Variants in PTPRD observed in about 807,000 individuals in gnomAD.
PTPRD encodes the protein protein tyrosine phosphatase receptor type D.
Under a neutral mutation model 214.5 loss-of-function variants are expected in PTPRD, and 34 were observed. The observed-to-expected ratio is 0.16, with a 90% CI of 0.12 to 0.21. The LOEUF (loss-of-function observed/expected upper bound fraction) is 0.21. Among genes scored for constraint, PTPRD ranks in the 10% least tolerant of loss-of-function variants. The pLI is 1.00. For missense variants in PTPRD, 2,545 were observed against 2,398.7 expected (o/e 1.06, Z -1.27); for synonymous variants, 1,128 against 845.7 (o/e 1.33, Z -5.79).
At chr9:10,190,661 T>C (rs2099359809) in intron 3 of PTPRD, among the ~76,000 whole-genome samples, 1 of 121,810 alleles carries the variant, frequency 8.2e-6, no homozygotes, top group Admixed American at 1.2e-4. Flanking sequence ...GAAAGTACAG[T>C]AAGCCAAGAT....
At chr9:9,287,073 A>G (rs1949716552) in intron 9 of PTPRD, among the ~76,000 whole-genome samples, 1 of 150,620 alleles carries the variant, frequency 6.6e-6, no homozygotes, top group African/African-American at 2.4e-5. Context: ...AAAAATACAA[A>G]AATCAGCTGG....
chr9:10,146,840 C>G (rs775243594), intron 3 of PTPRD, among the ~76,000 whole-genome samples: 3 of 152,108 alleles, frequency 2.0e-5, no homozygotes, highest in Admixed American at 2.0e-4. Flanking sequence ...CCATCCACAT[C>G]TTGGAGCAAT....
chr9:9,033,617 T>C (rs1590173653), intron 10 of PTPRD, among the ~76,000 whole-genome samples: 1 of 152,140 alleles, frequency 6.6e-6, no homozygotes, highest in South Asian at 2.1e-4. Context: ...TTTCCCTTTT[T>C]TGATTGGCTG....
At chr9:8,322,178 C>G (rs1450679181) in intron 44 of PTPRD, among the ~76,000 whole-genome samples, 1 of 152,124 alleles carries the variant, frequency 6.6e-6, no homozygotes, top group Non-Finnish European at 1.5e-5. Flanking sequence ...CCTCCCTATT[C>G]CTTGAGACAC....
intron 11 of PTPRD, among the ~76,000 whole-genome samples, chr9:8,739,820 C>T (rs1437312721): frequency 6.6e-6 from 1 of 152,160 alleles, no homozygotes; most frequent in East Asian, 1.9e-4. Context: ...CTTTCCTGTG[C>T]TGTTCCCATG....
chr9:9,680,165 A>G (rs1337317764), intron 7 of PTPRD, among the ~76,000 whole-genome samples: 4 of 151,860 alleles, frequency 2.6e-5, no homozygotes, highest in Non-Finnish European at 5.9e-5. Flanking sequence ...ATTTCCAGCA[A>G]TCCTGTCAAG....
intron 11 of PTPRD, among the ~76,000 whole-genome samples, chr9:8,778,489 T>C (rs2095569273): frequency 1.3e-5 from 2 of 152,204 alleles, no homozygotes; most frequent in Non-Finnish European, 2.9e-5. Flanking sequence ...TAGCTGCGAA[T>C]CTGCCCAACA....
At chr9:10,042,347 A>G (rs1025456440) in intron 3 of PTPRD, among the ~76,000 whole-genome samples, 2 of 151,916 alleles carry the variant, frequency 1.3e-5, no homozygotes, top group African/African-American at 4.8e-5. Context: ...AAGTAGATTA[A>G]TCTATTAAAT....
At chr9:10,140,233 T>G (rs1329995824) in intron 3 of PTPRD, among the ~76,000 whole-genome samples, 1 of 150,834 alleles carries the variant, frequency 6.6e-6, no homozygotes, top group Admixed American at 6.6e-5. Flanking sequence ...AATTAATCAA[T>G]AAGCAAAAAA....
intron 14 of PTPRD, among the ~76,000 whole-genome samples, chr9:8,589,235 C>A (rs780901530): frequency 2.0e-4 from 30 of 152,176 alleles, no homozygotes; most frequent in Admixed American, 1.6e-3. Flanking sequence ...ACCAAACAAG[C>A]ATCTTCAGGA....
intron 5 of PTPRD, among the ~76,000 whole-genome samples, chr9:9,892,274 A>G (rs2073595270): frequency 6.6e-6 from 1 of 152,136 alleles, no homozygotes; most frequent in South Asian, 2.1e-4. Flanking sequence ...AAGGCCTTAT[A>G]GAGATTACCT....
At chr9:8,430,396 G>C (rs2094963304) in intron 35 of PTPRD, among the ~76,000 whole-genome samples, 2 of 151,302 alleles carry the variant, frequency 1.3e-5, no homozygotes, top group Admixed American at 6.6e-5. Context: ...TCAGCCTCCT[G>C]AGTAGCTGGG....
At chr9:8,439,305 G>A (rs1298774981) in intron 34 of PTPRD, among the ~76,000 whole-genome samples, 1 of 152,116 alleles carries the variant, frequency 6.6e-6, no homozygotes, top group Non-Finnish European at 1.5e-5. Context: ...TAAAATAAGA[G>A]TATAGAACTA....
At chr9:8,413,889 G>T (rs1220602464) in intron 35 of PTPRD, among the ~76,000 whole-genome samples, 3 of 151,934 alleles carry the variant, frequency 2.0e-5, no homozygotes, top group Non-Finnish European at 4.4e-5. Flanking sequence ...TAAAATTAGG[G>T]ACTCTTCTAA....
At chr9:10,226,173 C>G (rs2099588253) in intron 3 of PTPRD, among the ~76,000 whole-genome samples, 1 of 152,006 alleles carries the variant, frequency 6.6e-6, no homozygotes, top group Non-Finnish European at 1.5e-5. Flanking sequence ...ATTGTACCTC[C>G]TGTTGGGATG....
chr9:10,537,746 C>T (rs1481214892), intron 2 of PTPRD, among the ~76,000 whole-genome samples: 1 of 152,024 alleles, frequency 6.6e-6, no homozygotes, highest in African/African-American at 2.4e-5. Context: ...TCTTAAAATT[C>T]TCTCTTATAA....
At chr9:9,311,596 G>A (rs1343115731) in intron 9 of PTPRD, among the ~76,000 whole-genome samples, 1 of 152,236 alleles carries the variant, frequency 6.6e-6, no homozygotes, top group East Asian at 1.9e-4. Context: ...GGAGAATTTA[G>A]AAGGATGCTT....
At chr9:10,264,772 C>A (rs143036776) in intron 3 of PTPRD, among the ~76,000 whole-genome samples, 2 of 151,930 alleles carry the variant, frequency 1.3e-5, no homozygotes, top group East Asian at 1.9e-4. Flanking sequence ...GGACCAGGGG[C>A]GGAATGATAT....
At chr9:8,671,719 C>T (rs766681207) in intron 12 of PTPRD, among the ~76,000 whole-genome samples, 10 of 152,256 alleles carry the variant, frequency 6.6e-5, no homozygotes, top group South Asian at 2.1e-4. Flanking sequence ...ATTTTTTACA[C>T]ACCTATTGCT....
Sources: allele counts gnomAD v4.1 joint callset (sites outside exome capture counted in the v4.1 genomes callset), GRCh38; gene constraint gnomAD v4.1.1; transcripts MANE v1.5; gene names NCBI Gene and HGNC (gene_info 2026-07-23, HGNC 2026-07-21).